Variants in HECW1 observed in about 807,000 individuals in gnomAD.
HECW1 encodes E3 ubiquitin-protein ligase HECW1.
Under a neutral mutation model 182.3 loss-of-function variants are expected in HECW1, and 61 were observed. That is an observed-to-expected ratio of 0.33 (90% CI 0.27 to 0.41). The LOEUF (loss-of-function observed/expected upper bound fraction) is 0.41. Ranked by LOEUF, HECW1 falls within the 10% of genes least tolerant of loss-of-function variation. The pLI, the probability that HECW1 is intolerant of heterozygous loss-of-function variation, is 1.00. For synonymous variants in HECW1, 859 were observed against 832.6 expected (o/e 1.03, Z -0.55); for missense variants, 1,739 against 2,108.9 (o/e 0.82, Z 3.44).
chr7:43,146,243 C>A (rs1215224846), intron 2 of HECW1, among the ~76,000 whole-genome samples: 9 of 152,214 alleles, frequency 5.9e-5, no homozygotes, highest in African/African-American at 2.2e-4. Context: ...TCCAATAATT[C>A]TTTTTTGTTG....
chr7:43,562,732 A>T lies in HECW1; in HGVS notation c.*806A>T. On this transcript the variant is annotated 3_prime_UTR_variant, in exon 30 of 30. Coordinates refer to ENST00000395891, the MANE Select transcript of HECW1 (RefSeq NM_015052.5). ...AACTTGTGCACATGTCCAAGAAAGA[A>T]AGCTTCTTGATTGAGGTAGCATGAA... The T allele has an allele frequency of 4.5e-6, 1 of 219,884 alleles. No homozygotes were observed. The highest frequency in any genetic ancestry group is 9.1e-6 in the Non-Finnish European group (1 of 109,360). 13.6% of individuals were successfully genotyped at this position (219,884 alleles called of 1,614,324 possible).
intron 2 of HECW1, among the ~76,000 whole-genome samples, chr7:43,210,239 G>C (rs960772950): frequency 3.3e-4 from 50 of 152,126 alleles, no homozygotes; most frequent in African/African-American, 1.2e-3. Context: ...AAGTTGATGT[G>C]TCTGTTGTCA....
intron 19 of HECW1, among the ~76,000 whole-genome samples, chr7:43,497,006 T>C (rs1015733702): frequency 6.6e-6 from 1 of 152,094 alleles, no homozygotes; most frequent in Admixed American, 6.5e-5. Flanking sequence ...ATAGACAAGC[T>C]TGGGGTTTGT....
intron 2 of HECW1, among the ~76,000 whole-genome samples, chr7:43,132,192 G>A (rs1378254485): frequency 1.3e-5 from 2 of 150,680 alleles, no homozygotes; most frequent in Non-Finnish European, 3.0e-5. Flanking sequence ...TAAGGTTTTG[G>A]TGTTTCTCTT....
At chr7:43,460,640 TA>T (rs1374509433) in intron 13 of HECW1, among the ~76,000 whole-genome samples, 1 of 152,188 alleles carries the variant, frequency 6.6e-6, no homozygotes, top group African/African-American at 2.4e-5. Context: ...CTATCTATTA[TA>T]AATATTTAAC....
chr7:43,493,903 TG>T, intron 19 of HECW1, among the ~76,000 whole-genome samples: 1 of 152,086 alleles, frequency 6.6e-6, no homozygotes, highest in East Asian at 1.9e-4. Flanking sequence ...GTCTCCCAAA[TG>T]GGGGTCACAA....
rs2074593893 is a variant in HECW1 at position 43,382,395 on chromosome 7, G to A, written c.556-14419G>A. On this transcript the variant is annotated intron_variant, in intron 6 of 29. Coordinates refer to ENST00000395891, the MANE Select transcript of HECW1 (RefSeq NM_015052.5). ...TGCTCTCAGCACTTGCCCCACATGG[G>A]GTAACTACCCAGTAAAAGTTAATTA... 2.6e-5 allele frequency among the ~76,000 whole-genome samples: 4 copies of A among 152,258 alleles called. No homozygotes were observed. The South Asian group carries it at 8.3e-4, about 32-fold the overall frequency.
chr7:43,514,391 C>T (rs1235899669), intron 24 of HECW1, among the ~76,000 whole-genome samples: 1 of 151,326 alleles, frequency 6.6e-6, no homozygotes, highest in Non-Finnish European at 1.5e-5. Flanking sequence ...CTGGTTCAAG[C>T]AAGTCTCCTG....
At chr7:43,455,710 C>A (rs538546930) in intron 12 of HECW1, among the ~76,000 whole-genome samples, 1 of 152,214 alleles carries the variant, frequency 6.6e-6, no homozygotes, top group Non-Finnish European at 1.5e-5. Context: ...ATCACACCAT[C>A]ACGGGTGTGA....
chr7:43,429,345 C>A, intron 8 of HECW1, among the ~76,000 whole-genome samples: 1 of 119,070 alleles, frequency 8.4e-6, no homozygotes, highest in African/African-American at 3.2e-5. Flanking sequence ...TACATATATG[C>A]AGATTCCCTG....
chr7:43,422,692 G>A (rs79824824), intron 8 of HECW1, among the ~76,000 whole-genome samples: 3,296 of 152,138 alleles, frequency 0.022, 114 homozygotes, highest in Admixed American at 0.1. Flanking sequence ...TCTTGATGCC[G>A]AGTGCTTTAC....
intron 2 of HECW1, among the ~76,000 whole-genome samples, chr7:43,216,469 G>A (rs1477901259): frequency 6.6e-6 from 1 of 152,086 alleles, no homozygotes; most frequent in East Asian, 1.9e-4. Context: ...ATGCCTTAAA[G>A]GTTTCTGCTG....
At chr7:43,477,918 G>T (rs1388302675) in intron 16 of HECW1, among the ~76,000 whole-genome samples, 4 of 152,126 alleles carry the variant, frequency 2.6e-5, no homozygotes, top group South Asian at 4.2e-4. Flanking sequence ...ATTGATTGAG[G>T]TCATTTAAAG....
chr7:43,185,449 A>G (rs1391468415), intron 2 of HECW1, among the ~76,000 whole-genome samples: 1 of 152,230 alleles, frequency 6.6e-6, no homozygotes, highest in African/African-American at 2.4e-5. Context: ...TGCAACTGGC[A>G]TCTGAAGTGG....
chr7:43,133,370 A>G (rs1787168505), intron 2 of HECW1, among the ~76,000 whole-genome samples: 1 of 152,060 alleles, frequency 6.6e-6, no homozygotes, highest in Non-Finnish European at 1.5e-5. Context: ...TCATGTGATT[A>G]TTATTCCCTG....
At chr7:43,307,288 C>T (rs1238143696) in intron 3 of HECW1, among the ~76,000 whole-genome samples, 1 of 152,142 alleles carries the variant, frequency 6.6e-6, no homozygotes, top group Non-Finnish European at 1.5e-5. Flanking sequence ...TGCTGATATT[C>T]TTGTGGTCCT....
At chr7:43,263,275 G>T (rs1052180696) in intron 3 of HECW1, among the ~76,000 whole-genome samples, 1 of 152,102 alleles carries the variant, frequency 6.6e-6, no homozygotes, top group African/African-American at 2.4e-5. Context: ...AAACACAAAA[G>T]AATTAAAGAA....
chr7:43,417,175 C>T (rs563755699), intron 8 of HECW1, among the ~76,000 whole-genome samples: 3 of 152,156 alleles, frequency 2.0e-5, no homozygotes, highest in East Asian at 3.8e-4. Flanking sequence ...CTCAACCTCC[C>T]GAGTAGCTGG....
At chr7:43,117,208 C>T (rs1785123154) in intron 2 of HECW1, among the ~76,000 whole-genome samples, 2 of 152,112 alleles carry the variant, frequency 1.3e-5, no homozygotes, top group African/African-American at 2.4e-5. Context: ...GTTTAATAGC[C>T]AAGGTTCCAA....
Sources: allele counts gnomAD v4.1 joint callset (sites outside exome capture counted in the v4.1 genomes callset), GRCh38; gene constraint gnomAD v4.1.1; transcripts MANE v1.5; gene names NCBI Gene and HGNC (gene_info 2026-07-23, HGNC 2026-07-21).